MIPOL1: variants seen among roughly 807,000 people sequenced by gnomAD.
MIPOL1 encodes the protein mirror-image polydactyly 1, also known as mirror-image polydactyly gene 1 protein.
Under a neutral mutation model 60.9 loss-of-function variants are expected in MIPOL1, and 57 were observed. The ratio of observed to expected loss-of-function variants is 0.94; its 90% CI spans 0.76 to 1.17. The LOEUF (loss-of-function observed/expected upper bound fraction) is 1.17, where lower values mean the gene tolerates loss of function less well. Among genes scored for constraint, MIPOL1 ranks in the 50% most tolerant of loss-of-function variants. The pLI is 0.00. For synonymous variants in MIPOL1, 179 were observed against 168.8 expected (o/e 1.06, Z -0.47); for missense variants, 551 against 511.6 (o/e 1.08, Z -0.74).
intron 11 of MIPOL1, among the ~76,000 whole-genome samples, chr14:37,424,759 A>G (rs773769468): frequency 8.5e-5 from 13 of 152,108 alleles, no homozygotes; most frequent in Non-Finnish European, 1.9e-4. Flanking sequence ...GAATGAATAC[A>G]TCCTACCAAC....
At chr14:37,536,483 G>T (rs10133438) in intron 12 of MIPOL1, among the ~76,000 whole-genome samples, 116,376 of 152,092 alleles carry the variant, frequency 0.77, 45,053 homozygotes, top group African/African-American at 0.89. Flanking sequence ...TGCCTTTTTG[G>T]GAATCACATA....
chr14:37,547,101 C>A lies in MIPOL1; in HGVS notation c.*130C>A. The A allele has an allele frequency of 1.5e-6, 1 of 683,462 alleles. No individual in the cohort carries two copies. The highest frequency in any genetic ancestry group is 2.5e-6 in the Non-Finnish European group (1 of 400,650). The allele number at this position is 683,462 out of a possible 1,614,324, so 42.3% of individuals were successfully genotyped here. A position where few individuals can be genotyped will look rare whatever the true frequency, so the allele number is the denominator to read the frequency against. On this transcript the variant is annotated 3_prime_UTR_variant, in exon 13 of 13. Transcript: ENST00000684589. Reference sequence around the variant, plus strand: ...GAAGTGGGACACTCCAACCACATTCCAAGCTGAGATAAAATCAAATCACAA... The same window carrying A: ...GAAGTGGGACACTCCAACCACATTCAAAGCTGAGATAAAATCAAATCACAA...
At chr14:37,309,511 C>T (rs1432883951) in intron 9 of MIPOL1, among the ~76,000 whole-genome samples, 1 of 151,992 alleles carries the variant, frequency 6.6e-6, no homozygotes, top group Non-Finnish European at 1.5e-5. Context: ...AAAATTGCAG[C>T]CTCTTATTTC....
At chr14:37,382,105 C>G (rs2092940247) in intron 10 of MIPOL1, among the ~76,000 whole-genome samples, 1 of 151,932 alleles carries the variant, frequency 6.6e-6, no homozygotes, top group African/African-American at 2.4e-5. Context: ...TTGGTTGAGG[C>G]TACATGGTGA....
At chr14:37,251,220 CTG>C (rs1974036871) in intron 3 of MIPOL1, among the ~76,000 whole-genome samples, 1 of 151,946 alleles carries the variant, frequency 6.6e-6, no homozygotes. Flanking sequence ...GTCACTGTAT[CTG>C]GCTAATTTTT....
intron 12 of MIPOL1, among the ~76,000 whole-genome samples, chr14:37,512,422 A>T (rs758760882): frequency 2.0e-4 from 30 of 151,872 alleles, no homozygotes; most frequent in Non-Finnish European, 7.4e-5. Flanking sequence ...ATAAAACAGG[A>T]TAGATGACTG....
At chr14:37,424,768 A>ATT (rs1458239814) in intron 11 of MIPOL1, among the ~76,000 whole-genome samples, 12 of 152,154 alleles carry the variant, frequency 7.9e-5, no homozygotes, top group Admixed American at 3.3e-4. Context: ...CATCCTACCA[A>ATT]CCTACTTTAT....
At chr14:37,478,017 T>TA (rs2094804485) in intron 11 of MIPOL1, among the ~76,000 whole-genome samples, 1 of 152,224 alleles carries the variant, frequency 6.6e-6, no homozygotes, top group South Asian at 2.1e-4. Context: ...AGCGTTTATG[T>TA]TTATCTGTAG....
In MIPOL1 at chr14:37,390,170, G is replaced by A. The variant is rs568159862; in HGVS notation, c.936+20546G>A. On this transcript the variant is annotated intron_variant, in intron 10 of 12. Transcript: ENST00000684589. ...GGAGGTGGAGGTTGCAGTGAGCCAAGTTTGCACCATTGCACTCCAGCCTGG... is the reference window on the plus strand; with the variant it reads ...GGAGGTGGAGGTTGCAGTGAGCCAAATTTGCACCATTGCACTCCAGCCTGG... Among the ~76,000 whole-genome samples, 10 of 152,118 alleles carry A rather than the reference G, an allele frequency of 6.6e-5. No homozygotes were observed. In the South Asian group the frequency reaches 2.1e-3, roughly 32 times the overall value.
At chr14:37,411,400 C>T (rs1030020032) in intron 10 of MIPOL1, among the ~76,000 whole-genome samples, 4 of 152,088 alleles carry the variant, frequency 2.6e-5, no homozygotes, top group African/African-American at 9.7e-5. Flanking sequence ...TATTTTCTTT[C>T]ATTGTCCCTA....
At chr14:37,270,043 G>C (rs2083176024) in intron 5 of MIPOL1, among the ~76,000 whole-genome samples, 1 of 151,982 alleles carries the variant, frequency 6.6e-6, no homozygotes, top group Non-Finnish European at 1.5e-5. Context: ...TGGCCAGGCT[G>C]GTCTCAAACT....
At chr14:37,268,546 C>G (rs977799951) in intron 4 of MIPOL1, 112 bp from the exon 5 acceptor site, 1 of 774,150 alleles carries the variant, frequency 1.3e-6, no homozygotes, top group Non-Finnish European at 2.0e-6. Context: ...CTTTTCCTTT[C>G]CCTTCCTTTA....
At chr14:37,508,195 AGTATTCCAGGGAATTT>A (rs2095297007) in intron 12 of MIPOL1, among the ~76,000 whole-genome samples, 1 of 152,180 alleles carries the variant, frequency 6.6e-6, no homozygotes, top group Non-Finnish European at 1.5e-5. Context: ...AAAATATGTC[AGTATTCCAGGGAATTT>A]AAAATTTAAA....
chr14:37,518,538 T>C lies in MIPOL1; in HGVS notation c.1262+18400T>C, dbSNP rs550155749. ...TTAGTAGAGATGGGTTTTTGCTGTGTTGGCCAGGCTGGTCTTGAACTCCTG... is the reference window on the plus strand; with the variant it reads ...TTAGTAGAGATGGGTTTTTGCTGTGCTGGCCAGGCTGGTCTTGAACTCCTG... On this transcript the variant is annotated intron_variant, in intron 12 of 12. Transcript: ENST00000684589. Among the ~76,000 whole-genome samples, 21 of 152,272 alleles carry C rather than the reference T, an allele frequency of 1.4e-4. No individual in the cohort carries two copies. The South Asian group carries it at 4.1e-3, about 30-fold the overall frequency.
intron 6 of MIPOL1, among the ~76,000 whole-genome samples, chr14:37,282,380 G>T (rs1003054557): frequency 4.0e-5 from 6 of 151,804 alleles, no homozygotes; most frequent in African/African-American, 1.5e-4. Flanking sequence ...AGCTAGGATT[G>T]CAGGCATGCA....
intron 10 of MIPOL1, among the ~76,000 whole-genome samples, chr14:37,373,642 T>C (rs562893569): frequency 2.0e-5 from 3 of 152,056 alleles, no homozygotes; most frequent in Admixed American, 2.0e-4. Context: ...TGGTGTTCGG[T>C]TTTCTGTTCC....
At chr14:37,515,492 T>C (rs973647944) in intron 12 of MIPOL1, among the ~76,000 whole-genome samples, 4 of 152,208 alleles carry the variant, frequency 2.6e-5, no homozygotes, top group African/African-American at 9.6e-5. Context: ...TCATCATCTT[T>C]TTAGTTTTTC....
intron 9 of MIPOL1, among the ~76,000 whole-genome samples, chr14:37,356,882 T>C (rs973729650): frequency 1.1e-4 from 17 of 152,208 alleles, no homozygotes; most frequent in Non-Finnish European, 2.2e-4. Flanking sequence ...TCGGCCACGC[T>C]GGGAGCTGTA....
At chr14:37,211,944 G>A (rs1332313432) in intron 1 of MIPOL1, among the ~76,000 whole-genome samples, 5 of 152,000 alleles carry the variant, frequency 3.3e-5, no homozygotes, top group Non-Finnish European at 7.4e-5. Context: ...GCTCCCAGAT[G>A]ACATTTGTAA....
Sources: allele counts gnomAD v4.1 joint callset (sites outside exome capture counted in the v4.1 genomes callset), GRCh38; gene constraint gnomAD v4.1.1; transcripts MANE v1.5; gene names NCBI Gene and HGNC (gene_info 2026-07-23, HGNC 2026-07-21).